ZNF91: variants seen among roughly 807,000 people sequenced by gnomAD.
ZNF91 encodes the protein zinc finger protein 91 (HPF7, HTF10).
Under a neutral mutation model 12.6 loss-of-function variants are expected in ZNF91, and 7 were observed. The observed-to-expected ratio is 0.55, with a 90% CI of 0.31 to 1.04. ZNF91 has a LOEUF of 1.04. Ranked by LOEUF, ZNF91 falls within the 50% of genes least tolerant of loss-of-function variation. The pLI, the probability that ZNF91 is intolerant of heterozygous loss-of-function variation, is 0.05. For synonymous variants in ZNF91, 453 were observed against 462.6 expected (o/e 0.98, Z 0.27); for missense variants, 1,217 against 1,385.4 (o/e 0.88, Z 1.93).
At chr19:23,340,287 C>T (rs1968094686) in intron 3 of ZNF91, 1 of 152,074 alleles carries the variant, frequency 6.6e-6, no homozygotes, top group Non-Finnish European at 1.5e-5. Context: ...AAATTGCTAG[C>T]TAGATTAACC....
At position 23,324,107 on chromosome 19, in the gene ZNF91, T is replaced by C. The variant is rs572085960; in HGVS notation, n.117-15010A>G. The C allele has an allele frequency of 5.2e-4, 77 of 148,238 alleles. No homozygotes were observed. In the South Asian group the frequency reaches 0.012, roughly 24 times the overall value. 9.2% of individuals were successfully genotyped at this position (148,238 alleles called of 1,614,324 possible). On this transcript the variant is annotated intron_variant and non_coding_transcript_variant, in intron 1 of 1. Transcript: ENST00000596528. ...CTCCTCCTTCTCTTCCTTTCCTCCT[T>C]TCCTCTTTTTCTCATCCTCTCCTCC...
At chr19:23,367,343 A>G (rs1969056863) in intron 3 of ZNF91, among the ~76,000 whole-genome samples, 1 of 149,466 alleles carries the variant, frequency 6.7e-6, no homozygotes, top group South Asian at 2.1e-4. Flanking sequence ...AAGAATATCA[A>G]TATTATCCAC....
chr19:23,340,794 T>C (rs1968107844), intron 3 of ZNF91, among the ~76,000 whole-genome samples: 1 of 148,760 alleles, frequency 6.7e-6, no homozygotes. Flanking sequence ...CTAAAAGTTT[T>C]GGCACAGAAA....
chr19:23,370,898 TAAAG>T (rs1164971090), intron 3 of ZNF91, among the ~76,000 whole-genome samples: 3 of 152,044 alleles, frequency 2.0e-5, no homozygotes, highest in Non-Finnish European at 4.4e-5. Context: ...ACAGAAAAAA[TAAAG>T]AATTATAAAT....
chr19:23,385,063 T>A, intron 1 of ZNF91: 1 of 1,103,670 alleles, frequency 9.1e-7, no homozygotes, highest in Admixed American at 1.7e-5. Context: ...CGGTTCCGCA[T>A]CTCAGTCCAG....
At chr19:23,332,082 C>A (rs930416377) in intron 1 of ZNF91, among the ~76,000 whole-genome samples, 2 of 152,168 alleles carry the variant, frequency 1.3e-5, no homozygotes, top group African/African-American at 4.8e-5. Flanking sequence ...TTGGTGAAAA[C>A]CATTTCTTAG....
chr19:23,351,140 ACAT>A (rs1411445835), intron 3 of ZNF91, among the ~76,000 whole-genome samples: 1 of 152,186 alleles, frequency 6.6e-6, no homozygotes, highest in Non-Finnish European at 1.5e-5. Flanking sequence ...AGCCTGGCCA[ACAT>A]GGTGAAACCT....
At chr19:23,368,285 G>A (rs1969098162) in intron 3 of ZNF91, among the ~76,000 whole-genome samples, 1 of 151,924 alleles carries the variant, frequency 6.6e-6, no homozygotes, top group Non-Finnish European at 1.5e-5. Context: ...GCTGAGATAG[G>A]TGGATCACAA....
rs1035411284 is a variant in ZNF91 at position 23,357,719 on chromosome 19, T to C, written c.*1684A>G. On this transcript the variant is annotated 3_prime_UTR_variant, in exon 4 of 4. Transcript: ENST00000300619. ...TATATGGATTTTACTTATGTTTGTA[T>C]ATAAGTTTTATTATGACCATAAAAA... 2 of 152,242 alleles carry C rather than the reference T, an allele frequency of 1.3e-5. No homozygotes were observed. Among genetic ancestry groups the C allele is most frequent in the Non-Finnish European group, 2.9e-5 (2 of 68,030 alleles). 9.4% of individuals were successfully genotyped at this position (152,242 alleles called of 1,614,324 possible).
At chr19:23,378,862 T>C (rs898123399) in intron 1 of ZNF91, among the ~76,000 whole-genome samples, 9 of 152,324 alleles carry the variant, frequency 5.9e-5, no homozygotes, top group Admixed American at 4.6e-4. Context: ...CTAATGACTA[T>C]ATGAATTGGA....
chr19:23,355,258 T>C (rs1224379591), downstream of ZNF91, among the ~76,000 whole-genome samples: 1 of 152,088 alleles, frequency 6.6e-6, no homozygotes, highest in African/African-American at 2.4e-5. Flanking sequence ...GGTATAAAAA[T>C]AGGCACATAG....
intron 1 of ZNF91, among the ~76,000 whole-genome samples, chr19:23,393,963 A>ACTCCAG (rs1389720537): frequency 6.6e-6 from 1 of 152,150 alleles, no homozygotes; most frequent in Non-Finnish European, 1.5e-5. Flanking sequence ...GCGTCACTGC[A>ACTCCAG]CTCCAGCCTG....
At chr19:23,355,142 T>A (rs295373), downstream of ZNF91, among the ~76,000 whole-genome samples, 1 of 152,042 alleles carries the variant, frequency 6.6e-6, no homozygotes, top group African/African-American at 2.4e-5. Flanking sequence ...AAAAAGAGCC[T>A]GCACAGCCAA....
In ZNF91 at chr19:23,361,110, T is replaced by C. The variant is rs768983907; in HGVS notation, c.1869A>G (p.Ile623Met). ...WSSTLRRHKR[I>M]HTGEKPYKCE... The stretch of plus-strand genomic sequence containing the variant: ...ATTTGTAGGGTTTCTCTCCAGTGTG[T>C]ATCCTCTTATGTCTTCTTAGGGTTG... Residue 623 changes from isoleucine (I) to methionine (M), a missense_variant, in exon 4 of 4, where the codon ATA becomes ATG. This residue lies in a region of ZNF91 where 726 missense variants were observed against 895.5 expected (regional missense o/e 0.81). Transcript: ENST00000300619. The C allele has an allele frequency of 8.7e-6, 14 of 1,612,268 alleles. No homozygotes were observed. The South Asian group carries it at 1.3e-4, about 15-fold the overall frequency.
chr19:23,384,279 G>A (rs1360083875), intron 1 of ZNF91, among the ~76,000 whole-genome samples: 1 of 151,940 alleles, frequency 6.6e-6, no homozygotes, highest in East Asian at 1.9e-4. Flanking sequence ...AGCCCTCCGC[G>A]CCCAACCAAT....
chr19:23,384,858 G>A (rs545648312), intron 1 of ZNF91: 12 of 737,222 alleles, frequency 1.6e-5, no homozygotes, highest in African/African-American at 1.4e-4. Context: ...TCTCCCTCAC[G>A]ATCACTGGAG....
intron 3 of ZNF91, among the ~76,000 whole-genome samples, chr19:23,367,634 T>C (rs529405369): frequency 1.3e-5 from 2 of 152,262 alleles, no homozygotes; most frequent in East Asian, 3.9e-4. Context: ...ACTTCTGATT[T>C]TGAAACGTAC....
chr19:23,329,956 A>G (rs1967898453), intron 1 of ZNF91, among the ~76,000 whole-genome samples: 1 of 152,174 alleles, frequency 6.6e-6, no homozygotes, highest in South Asian at 2.1e-4. Context: ...CTGAGAAAAA[A>G]TATCTGTCTC....
At chr19:23,321,043 G>C (rs938045837) in intron 1 of ZNF91, among the ~76,000 whole-genome samples, 22 of 152,168 alleles carry the variant, frequency 1.4e-4, no homozygotes, top group African/African-American at 5.3e-4. Flanking sequence ...AGTTGAGATT[G>C]TGACTCATGT....
Sources: allele counts gnomAD v4.1 joint callset (sites outside exome capture counted in the v4.1 genomes callset), GRCh38; gene constraint gnomAD v4.1.1; regional missense constraint gnomAD v4.1.1; transcripts MANE v1.5; gene names NCBI Gene and HGNC (gene_info 2026-07-23, HGNC 2026-07-21).